TBC1D19: variants seen among roughly 807,000 people sequenced by gnomAD.
TBC1D19 encodes the protein TBC1 domain family member 19.
In TBC1D19, 60 loss-of-function variants were observed where a neutral mutation model predicts 89.0. The ratio of observed to expected loss-of-function variants is 0.67; its 90% CI spans 0.55 to 0.84. The LOEUF (loss-of-function observed/expected upper bound fraction) is 0.84. Among genes scored for constraint, TBC1D19 ranks in the 40% least tolerant of loss-of-function variants. The pLI is 0.00. For missense variants in TBC1D19, 500 were observed against 610.8 expected (o/e 0.82, Z 1.91); for synonymous variants, 189 against 199.7 (o/e 0.95, Z 0.45).
chr4:26,723,732 A>G (rs1041017735), intron 15 of TBC1D19, among the ~76,000 whole-genome samples: 1 of 152,320 alleles, frequency 6.6e-6, no homozygotes, highest in Admixed American at 6.5e-5. Context: ...ACACATATAA[A>G]TTGTCTTTAT....
intron 1 of TBC1D19, among the ~76,000 whole-genome samples, chr4:26,593,745 A>G (rs549060167): frequency 2.0e-5 from 3 of 152,394 alleles, no homozygotes; most frequent in African/African-American, 7.2e-5. Flanking sequence ...AATAATGCTC[A>G]TCATCACTGG....
At chr4:26,772,641 C>T in the TBC1D19 span, among the ~76,000 whole-genome samples, 5 of 152,128 alleles carry the variant, frequency 3.3e-5, no homozygotes, top group African/African-American at 2.4e-5. Flanking sequence ...CCCCAACAGA[C>T]CCCAGTGTGT....
chr4:26,819,402 A>C, the TBC1D19 span, among the ~76,000 whole-genome samples: 1 of 152,116 alleles, frequency 6.6e-6, no homozygotes, highest in Non-Finnish European at 1.5e-5. Context: ...CTCAACAGAG[A>C]GGGGAATGGT....
intron 18 of TBC1D19, among the ~76,000 whole-genome samples, chr4:26,742,951 A>G (rs899133660): frequency 2.0e-5 from 3 of 152,278 alleles, no homozygotes; most frequent in South Asian, 2.1e-4. Context: ...ACTTAATTCA[A>G]TATAGGCCAC....
intron 1 of TBC1D19, among the ~76,000 whole-genome samples, chr4:26,596,456 G>A (rs1319697184): frequency 2.0e-5 from 1 of 49,162 alleles, no homozygotes; most frequent in Non-Finnish European, 3.8e-5. Context: ...ATGGTAACTC[G>A]TGTGTGTGTG....
upstream of TBC1D19, among the ~76,000 whole-genome samples, chr4:26,580,434 T>G (rs1362625677): frequency 6.6e-6 from 1 of 152,120 alleles, no homozygotes; most frequent in Non-Finnish European, 1.5e-5. Flanking sequence ...TAAGCATACA[T>G]GTATTACTTC....
rs540711909 is a variant in TBC1D19 at position 26,636,958 on chromosome 4, T to C, written c.295-253T>C. Among the ~76,000 whole-genome samples, 6 of 152,254 alleles carry C rather than the reference T, an allele frequency of 3.9e-5. No homozygotes were observed. The South Asian group carries it at 1.2e-3, about 32-fold the overall frequency. ...TGACATTTTAAAAAATCTGTCCTCA[T>C]TCCCATCCTCAACTAAAATATCAGT... On this transcript the variant is annotated intron_variant, in intron 4 of 20. Coordinates refer to ENST00000264866, the MANE Select transcript of TBC1D19 (RefSeq NM_018317.4).
intron 1 of TBC1D19, among the ~76,000 whole-genome samples, chr4:26,588,467 G>C (rs928942468): frequency 2.6e-5 from 4 of 151,354 alleles, no homozygotes; most frequent in Non-Finnish European, 4.4e-5. Context: ...TGCTTGCTTT[G>C]GATTTAATTT....
the TBC1D19 span, among the ~76,000 whole-genome samples, chr4:26,843,963 G>A: frequency 7.2e-5 from 11 of 152,304 alleles, no homozygotes; most frequent in South Asian, 2.3e-3. Flanking sequence ...CCAAGGGGAT[G>A]GCACCAAGCC....
intron 15 of TBC1D19, among the ~76,000 whole-genome samples, chr4:26,731,141 T>G (rs1256090375): frequency 6.6e-6 from 1 of 152,096 alleles, no homozygotes; most frequent in African/African-American, 2.4e-5. Context: ...CCTCAATCAA[T>G]GAGGGCAAAT....
chr4:26,815,926 C>T, the TBC1D19 span, among the ~76,000 whole-genome samples: 1 of 152,154 alleles, frequency 6.6e-6, no homozygotes, highest in Non-Finnish European at 1.5e-5. Flanking sequence ...TGGAATACCC[C>T]CCGAGGGCCT....
At chr4:26,668,724 A>G (rs1196761508) in intron 9 of TBC1D19, among the ~76,000 whole-genome samples, 1 of 151,886 alleles carries the variant, frequency 6.6e-6, no homozygotes, top group African/African-American at 2.4e-5. Context: ...AGTTTTTTAT[A>G]TTCAGAATTA....
At chr4:26,818,296 G>T in the TBC1D19 span, among the ~76,000 whole-genome samples, 1 of 152,132 alleles carries the variant, frequency 6.6e-6, no homozygotes, top group African/African-American at 2.4e-5. Context: ...GGCACAATCA[G>T]TGCTCACCGT....
At chr4:26,751,650 T>G (rs749600989) in intron 19 of TBC1D19, among the ~76,000 whole-genome samples, 1 of 152,238 alleles carries the variant, frequency 6.6e-6, no homozygotes, top group Non-Finnish European at 1.5e-5. Flanking sequence ...TTTACCATTC[T>G]CATCTTTTTC....
chr4:26,797,682 G>T, the TBC1D19 span, among the ~76,000 whole-genome samples: 1 of 152,152 alleles, frequency 6.6e-6, no homozygotes, highest in Non-Finnish European at 1.5e-5. Flanking sequence ...GCATGGTGCT[G>T]CTACAAAATT....
chr4:26,667,813 A>C (rs1281501375), intron 9 of TBC1D19, among the ~76,000 whole-genome samples: 1 of 152,018 alleles, frequency 6.6e-6, no homozygotes, highest in Non-Finnish European at 1.5e-5. Context: ...GTGAGTTTTC[A>C]AAAGTGTTAG....
At chr4:26,719,746 A>G (rs995001022) in intron 14 of TBC1D19, among the ~76,000 whole-genome samples, 2 of 152,142 alleles carry the variant, frequency 1.3e-5, no homozygotes, top group Non-Finnish European at 2.9e-5. Context: ...TTTAATGAAT[A>G]GATTAGACTT....
At chr4:26,694,783 G>T (rs868231091) in intron 13 of TBC1D19, among the ~76,000 whole-genome samples, 1 of 151,562 alleles carries the variant, frequency 6.6e-6, no homozygotes, top group African/African-American at 2.4e-5. Context: ...AGGCAAACAG[G>T]GTCTGGAGTG....
chr4:26,696,789 A>C (rs1304432991), intron 13 of TBC1D19, among the ~76,000 whole-genome samples: 1 of 152,218 alleles, frequency 6.6e-6, no homozygotes, highest in African/African-American at 2.4e-5. Flanking sequence ...AGGCAGAAAT[A>C]AAGATGTTCT....
Sources: allele counts gnomAD v4.1 joint callset (sites outside exome capture counted in the v4.1 genomes callset), GRCh38; gene constraint gnomAD v4.1.1; transcripts MANE v1.5; gene names NCBI Gene and HGNC (gene_info 2026-07-23, HGNC 2026-07-21).